The following KPNA3 variants were observed in gnomAD, a reference collection of about 807,000 sequenced individuals.
KPNA3 encodes the protein karyopherin subunit alpha 3.
In KPNA3, 13 loss-of-function variants were observed where a neutral mutation model predicts 73.8. That is an observed-to-expected ratio of 0.18 (90% confidence interval 0.11 to 0.28). The LOEUF (loss-of-function observed/expected upper bound fraction) is 0.28, where lower values mean the gene tolerates loss of function less well. Ranked by LOEUF, KPNA3 falls within the 10% of genes least tolerant of loss-of-function variation. The pLI is 1.00. For synonymous variants in KPNA3, 186 were observed against 206.9 expected, an observed-to-expected ratio of 0.90 and a Z score of 0.87; for missense variants, 360 against 618.1, an observed-to-expected ratio of 0.58 and a Z score of 4.43.
chr13:49,758,753 T>C (rs372578773), intron 1 of KPNA3, among the ~76,000 whole-genome samples: 56 of 151,614 alleles, frequency 3.7e-4, no homozygotes, highest in African/African-American at 1.0e-3. Context: ...CATATAAATA[T>C]ACACACACAC....
chr13:49,752,189 CAAAATCAAAGAACT>C (rs1465759387), intron 1 of KPNA3, among the ~76,000 whole-genome samples: 2 of 152,104 alleles, frequency 1.3e-5, no homozygotes, highest in Non-Finnish European at 1.5e-5. Context: ...GAGCTAGACA[CAAAATCAAAGAACT>C]AAAATCCTCT....
intron 1 of KPNA3, among the ~76,000 whole-genome samples, chr13:49,767,445 T>C (rs1954818276): frequency 6.6e-6 from 1 of 151,496 alleles, no homozygotes; most frequent in Non-Finnish European, 1.5e-5. Context: ...AAAAAAAGAA[T>C]AATATCAATT....
intron 9 of KPNA3, among the ~76,000 whole-genome samples, chr13:49,720,247 TA>T (rs1954342503): frequency 6.6e-6 from 1 of 152,344 alleles, no homozygotes; most frequent in African/African-American, 2.4e-5. Flanking sequence ...TTTTACTTAA[TA>T]AGCTACTTAA....
chr13:49,740,068 T>A (rs9526595), intron 2 of KPNA3, among the ~76,000 whole-genome samples: 1 of 151,770 alleles, frequency 6.6e-6, no homozygotes, highest in African/African-American at 2.4e-5. Context: ...CTGGGCAACA[T>A]GGCGAAATCC....
intron 2 of KPNA3, among the ~76,000 whole-genome samples, chr13:49,741,454 C>T (rs577120648): frequency 6.7e-6 from 1 of 148,928 alleles, no homozygotes; most frequent in Non-Finnish European, 1.5e-5. Context: ...TGCTCTTTTG[C>T]CCTTTTTTTT....
At chr13:49,740,627 C>A (rs1249751387) in intron 2 of KPNA3, among the ~76,000 whole-genome samples, 1 of 152,180 alleles carries the variant, frequency 6.6e-6, no homozygotes, top group Non-Finnish European at 1.5e-5. Flanking sequence ...CCTCCCCAGC[C>A]ACATGGAAGT....
rs200811786 is a variant in KPNA3 at position 49,724,366 on chromosome 13, C to T, written c.469+1050G>A. On this transcript the variant is annotated intron_variant, in intron 7 of 16. Coordinates refer to ENST00000261667, the MANE Select transcript of KPNA3 (RefSeq NM_002267.4). ...TCACCCAGGCTGGAGTGCAGCGGCA[C>T]GATCTCGGCTCACTGCAAGCTCCGC... 5.9e-5 allele frequency among the ~76,000 whole-genome samples: 9 copies of T among 151,750 alleles called. No individual in the cohort carries two copies. In the East Asian group the frequency reaches 1.4e-3, roughly 23 times the overall value.
chr13:49,728,045 C>T (rs1954427421), intron 6 of KPNA3, among the ~76,000 whole-genome samples: 1 of 152,012 alleles, frequency 6.6e-6, no homozygotes, highest in South Asian at 2.1e-4. Flanking sequence ...ACCATCCTGG[C>T]TAACACGGTG....
intron 2 of KPNA3, among the ~76,000 whole-genome samples, 177 bp downstream of exon 2, chr13:49,746,772 C>CTTCATTTA: frequency 6.6e-6 from 1 of 152,224 alleles, no homozygotes; most frequent in East Asian, 1.9e-4. Context: ...TCACACAGGG[C>CTTCATTTA]CTAGTACCCT....
Position 49,701,296 on chromosome 13 carries a change from G to T in KPNA3, c.*504C>A. 1 of 179,490 alleles carries T rather than the reference G, an allele frequency of 5.6e-6. No individual in the cohort carries two copies. The highest frequency in any genetic ancestry group is 5.9e-5 in the Admixed American group (1 of 16,916). The allele number at this position is 179,490 out of a possible 1,614,324, so 11.1% of individuals were successfully genotyped here. Reference sequence around the variant, plus strand: ...TCAGTTCCACCAATGAAAATCATTTGGCTTGTACTTTAAAATCTATTCTTC... The same window carrying T: ...TCAGTTCCACCAATGAAAATCATTTTGCTTGTACTTTAAAATCTATTCTTC... On this transcript the variant is annotated 3_prime_UTR_variant, in exon 17 of 17. Coordinates refer to ENST00000261667, the MANE Select transcript of KPNA3 (RefSeq NM_002267.4).
chr13:49,709,764 C>A, intron 11 of KPNA3, 64 bp from the exon 12 acceptor site: 2 of 1,488,092 alleles, frequency 1.3e-6, no homozygotes, highest in South Asian at 1.3e-5. Flanking sequence ...CTATATTTTT[C>A]ATAATCCTGA....
At chr13:49,788,387 A>G (rs1213865118) in intron 1 of KPNA3, among the ~76,000 whole-genome samples, 1 of 152,168 alleles carries the variant, frequency 6.6e-6, no homozygotes, top group Non-Finnish European at 1.5e-5. Context: ...AAAAGTTTTT[A>G]AGAATCAATG....
chr13:49,758,757 C>G (rs943728763), intron 1 of KPNA3, among the ~76,000 whole-genome samples: 20 of 151,672 alleles, frequency 1.3e-4, no homozygotes, highest in African/African-American at 4.8e-4. Flanking sequence ...TAAATATACA[C>G]ACACACATAT....
intron 1 of KPNA3, among the ~76,000 whole-genome samples, chr13:49,778,597 T>G (rs1174887474): frequency 6.6e-6 from 1 of 151,338 alleles, no homozygotes; most frequent in East Asian, 1.9e-4. Flanking sequence ...TATTATTCTC[T>G]CTACTTTTAC....
chr13:49,736,870 C>T (rs1163365133), intron 2 of KPNA3, among the ~76,000 whole-genome samples: 1 of 152,170 alleles, frequency 6.6e-6, no homozygotes, highest in Non-Finnish European at 1.5e-5. Context: ...AACTACTAAC[C>T]TGTCTTCCAT....
intron 9 of KPNA3, among the ~76,000 whole-genome samples, chr13:49,721,730 G>C (rs1175918445): frequency 6.6e-6 from 1 of 152,194 alleles, no homozygotes; most frequent in East Asian, 1.9e-4. Context: ...TGAGGCAGGA[G>C]AATGGCGTGA....
At chr13:49,724,424 C>T (rs770075647) in intron 7 of KPNA3, among the ~76,000 whole-genome samples, 2 of 152,216 alleles carry the variant, frequency 1.3e-5, no homozygotes, top group African/African-American at 4.8e-5. Context: ...CCGCCTCAGC[C>T]TCCCAAGCAG....
chr13:49,792,424 G>A lies in KPNA3; in HGVS notation c.69+14C>T. On this transcript the variant is annotated intron_variant, in intron 1 of 16. Transcript: ENST00000261667. ...GCGCGGCCAGGCGGGCCCAGACCGC[G>A]GAAGCACACTCACTTCCACATCGCG... The A allele has an allele frequency of 1.9e-6, 3 of 1,555,218 alleles. No individual in the cohort carries two copies. Among genetic ancestry groups the A allele is most frequent in the Non-Finnish European group, 2.6e-6 (3 of 1,152,602 alleles).
In KPNA3 at chr13:49,765,031, T is replaced by C. The variant is rs889111209; in HGVS notation, c.70-18038A>G. Among the ~76,000 whole-genome samples, 4 of 152,120 alleles carry C rather than the reference T, an allele frequency of 2.6e-5. No individual in the cohort carries two copies. In the South Asian group the frequency reaches 8.3e-4, roughly 32 times the overall value. On this transcript the variant is annotated intron_variant, in intron 1 of 16. Transcript: ENST00000261667. ...AACACCACATTCCTGGTTTTCCTCCTCTTTGGTCTTCCTCCTTCATCCATC... is the reference window on the plus strand; with the variant it reads ...AACACCACATTCCTGGTTTTCCTCCCCTTTGGTCTTCCTCCTTCATCCATC...
Sources: allele counts gnomAD v4.1 joint callset (sites outside exome capture counted in the v4.1 genomes callset), GRCh38; gene constraint gnomAD v4.1.1; transcripts MANE v1.5; gene names NCBI Gene and HGNC (gene_info 2026-07-23, HGNC 2026-07-21).